The following MLLT3 variants were observed in gnomAD, a reference collection of about 807,000 sequenced individuals.
The protein encoded by MLLT3 is MLLT3 super elongation complex subunit.
In MLLT3, 4 loss-of-function variants were observed where a neutral mutation model predicts 53.2. That is an observed-to-expected ratio of 0.08 (90% CI 0.04 to 0.17). The LOEUF is 0.17. Among genes scored for constraint, MLLT3 ranks in the 10% least tolerant of loss-of-function variants. MLLT3 has a pLI of 1.00. For missense variants in MLLT3, 569 were observed against 684.0 expected (o/e 0.83, Z 1.87); for synonymous variants, 283 against 230.6 (o/e 1.23, Z -2.06).
Position 20,620,647 on chromosome 9 carries a change from G to C in MLLT3, c.193+7C>G. On this transcript the variant is annotated splice_region_variant and intron_variant, in intron 2 of 10. Transcript: ENST00000380338. The surrounding 1 kb of genome is among the most constrained non-coding windows in gnomAD (Gnocchi z 6.1). ...TTTATCAAGACCCTTTTGTATTCGA[G>C]CCCTACCTCTTTTTGGCCTAGGAAA... 6.2e-7 allele frequency: 1 copy of C among 1,612,768 alleles called. No homozygotes were observed. The highest frequency in any genetic ancestry group is 8.5e-7 in the Non-Finnish European group (1 of 1,179,122).
intron 2 of MLLT3, among the ~76,000 whole-genome samples, chr9:20,487,709 T>G (rs1387993048): frequency 5.9e-5 from 9 of 152,190 alleles, no homozygotes; most frequent in South Asian, 2.1e-4. Context: ...AAAGCAACCT[T>G]GTGGTATGTG....
intron 2 of MLLT3, among the ~76,000 whole-genome samples, chr9:20,499,436 C>T (rs775474903): frequency 6.6e-6 from 1 of 152,156 alleles, no homozygotes; most frequent in African/African-American, 2.4e-5. Context: ...GATATTTCTA[C>T]ATCTTCCTCT....
At chr9:20,435,370 G>A (rs979209960) in intron 4 of MLLT3, among the ~76,000 whole-genome samples, 4 of 152,056 alleles carry the variant, frequency 2.6e-5, no homozygotes, top group Non-Finnish European at 5.9e-5. Flanking sequence ...AGAAACTGAG[G>A]TAGATTATTC....
intron 2 of MLLT3, among the ~76,000 whole-genome samples, chr9:20,537,139 T>C (rs1424222581): frequency 6.6e-6 from 1 of 152,236 alleles, no homozygotes; most frequent in Non-Finnish European, 1.5e-5. Flanking sequence ...TACACTTACC[T>C]TTCTCTTAAC....
chr9:20,453,639 T>C (rs1246135583), intron 3 of MLLT3, among the ~76,000 whole-genome samples: 1 of 152,208 alleles, frequency 6.6e-6, no homozygotes, highest in Non-Finnish European at 1.5e-5. Flanking sequence ...TAAGTTCCTG[T>C]GTTGTCATTC....
At chr9:20,419,816 A>C (rs1822962183) in intron 4 of MLLT3, among the ~76,000 whole-genome samples, 1 of 152,214 alleles carries the variant, frequency 6.6e-6, no homozygotes, top group Non-Finnish European at 1.5e-5. Context: ...TCAAACAATA[A>C]CTGAACCAGA....
intron 2 of MLLT3, among the ~76,000 whole-genome samples, chr9:20,552,318 A>G (rs980485218): frequency 6.6e-6 from 1 of 152,222 alleles, no homozygotes; most frequent in Non-Finnish European, 1.5e-5. Context: ...AAGACCACCC[A>G]GTAGATACAA....
intron 4 of MLLT3, among the ~76,000 whole-genome samples, chr9:20,445,188 T>A (rs1323687631): frequency 6.6e-6 from 1 of 152,156 alleles, no homozygotes; most frequent in Admixed American, 6.5e-5. Context: ...GAAACTACTT[T>A]CACGGTCCTA....
At chr9:20,363,455 C>A in intron 7 of MLLT3, 21 bp downstream of exon 7, 1 of 1,613,300 alleles carries the variant, frequency 6.2e-7, no homozygotes, top group Non-Finnish European at 8.5e-7. Context: ...CAGGCAACCC[C>A]TTTCCTTCCA....
In MLLT3 at chr9:20,398,649, A is replaced by G. The variant is rs547726390; in HGVS notation, c.1125+15072T>C. Among the ~76,000 whole-genome samples the G allele has an allele frequency of 3.3e-5, 5 of 152,264 alleles. No individual in the cohort carries two copies. In the East Asian group the frequency reaches 5.8e-4, roughly 18 times the overall value. ...AAGACAGCAAAAACAAGGTGGCCAT[A>G]TAACTTTCATGTTATCATGCCCCTG... On this transcript the variant is annotated intron_variant, in intron 5 of 10. Coordinates refer to ENST00000380338, the MANE Select transcript of MLLT3 (RefSeq NM_004529.4).
intron 2 of MLLT3, among the ~76,000 whole-genome samples, chr9:20,500,025 C>T (rs1326944658): frequency 6.6e-6 from 1 of 152,204 alleles, no homozygotes; most frequent in African/African-American, 2.4e-5. Context: ...AAATGCTTCT[C>T]CAAAGAAACA....
intron 2 of MLLT3, among the ~76,000 whole-genome samples, chr9:20,512,061 A>T (rs1387133633): frequency 6.6e-6 from 1 of 152,222 alleles, no homozygotes; most frequent in Non-Finnish European, 1.5e-5. Flanking sequence ...TGAAGATGAG[A>T]CACAGACCTC....
chr9:20,355,282 T>G (rs1821143661), intron 8 of MLLT3, among the ~76,000 whole-genome samples: 1 of 152,192 alleles, frequency 6.6e-6, no homozygotes, highest in African/African-American at 2.4e-5. Flanking sequence ...TGACTACTAG[T>G]GTTCAGTATG....
At chr9:20,472,876 CCATTT>C (rs1413938590) in intron 2 of MLLT3, among the ~76,000 whole-genome samples, 1 of 151,600 alleles carries the variant, frequency 6.6e-6, no homozygotes, top group Non-Finnish European at 1.5e-5. Flanking sequence ...GCTATTCTTT[CCATTT>C]ATTTCTTTTT....
chr9:20,350,743 C>T (rs540791766), intron 10 of MLLT3, among the ~76,000 whole-genome samples: 28 of 152,242 alleles, frequency 1.8e-4, no homozygotes, highest in East Asian at 3.9e-4. Flanking sequence ...GCCTTTCAAG[C>T]GGTACTACGC....
At chr9:20,432,923 T>C (rs1388547015) in intron 4 of MLLT3, among the ~76,000 whole-genome samples, 11 of 152,124 alleles carry the variant, frequency 7.2e-5, no homozygotes, top group Admixed American at 7.2e-4. Context: ...AATAAGTATG[T>C]GCCTTTGAAT....
intron 2 of MLLT3, among the ~76,000 whole-genome samples, chr9:20,580,944 C>T (rs538635988): frequency 6.6e-6 from 1 of 152,180 alleles, no homozygotes; most frequent in Non-Finnish European, 1.5e-5. Flanking sequence ...TTTAAACCTA[C>T]ATTATATTCC....
intron 2 of MLLT3, among the ~76,000 whole-genome samples, chr9:20,503,909 C>T (rs187114912): frequency 6.6e-6 from 1 of 152,120 alleles, no homozygotes; most frequent in South Asian, 2.1e-4. Flanking sequence ...AAAGACATTT[C>T]TCAAAAGACG....
At position 20,347,626 on chromosome 9, in the gene MLLT3, G is replaced by A. The variant is rs1163167270; in HGVS notation, c.1576-1052C>T. ...TTCCTATTCTACTAATAATTTTATT[G>A]GACATGGATGCTGTATCTGGGCAGT... On this transcript the variant is annotated intron_variant, in intron 10 of 10. Transcript: ENST00000380338. Among the ~76,000 whole-genome samples, 3 of 152,124 alleles carry A rather than the reference G, an allele frequency of 2.0e-5. No homozygotes were observed. In the East Asian group the frequency reaches 5.8e-4, roughly 29 times the overall value.
Sources: gnomAD v4.1 joint callset for allele counts (sites outside exome capture counted in the v4.1 genomes callset) on GRCh38, gnomAD v4.1.1 for gene constraint, Gnocchi (gnomAD v3.1) non-coding constraint, MANE v1.5 for transcripts, NCBI Gene and HGNC (gene_info 2026-07-23, HGNC 2026-07-21) for gene names.